The following CLIP2 variants were observed in gnomAD, a reference collection of about 807,000 sequenced individuals.
The protein encoded by CLIP2 is CAP-Gly domain containing linker protein 2, also known as CAP-Gly domain-containing linker protein 2.
A neutral mutation model predicts 111.7 loss-of-function variants in CLIP2; 41 were observed. The ratio of observed to expected loss-of-function variants is 0.37; its 90% confidence interval spans 0.29 to 0.48. The LOEUF (loss-of-function observed/expected upper bound fraction) is 0.48, where lower values mean the gene tolerates loss of function less well. Ranked by LOEUF, CLIP2 falls within the 20% of genes least tolerant of loss-of-function variation. The pLI is 0.99. For synonymous variants in CLIP2, 660 were observed against 644.2 expected (o/e 1.02, Z -0.37); for missense variants, 1,160 against 1,422.1 (o/e 0.82, Z 2.96).
At chr7:74,341,749 AC>A (rs1789663229) in intron 3 of CLIP2, among the ~76,000 whole-genome samples, 1 of 151,808 alleles carries the variant, frequency 6.6e-6, no homozygotes, top group South Asian at 2.1e-4. Context: ...ATGCCACCAT[AC>A]CTGGCACCAC....
chr7:74,376,316 C>A lies in CLIP2; in HGVS notation c.1915C>A (p.Pro639Thr). ...EDLKATLNSGPGAQQKEIGEL... is the reference protein window; with the variant it reads ...EDLKATLNSGTGAQQKEIGEL... ...CCTCAAAGCCACCCTGAACTCGGGC[C>A]CAGGCGCCCAGCAGAAGGAGATCGG... Residue 639 changes from proline (P) to threonine (T), a missense_variant, in exon 10 of 17, where the codon CCA (proline) becomes ACA (threonine). Pro to Thr is a conservative substitution (Grantham distance 38, BLOSUM62 -1). This residue lies in a region of CLIP2 where 676 missense variants were observed against 777.8 expected (regional missense o/e 0.87). Coordinates refer to ENST00000223398, the MANE Select transcript of CLIP2 (RefSeq NM_003388.5). This position sits in a 1 kb window ranked among gnomAD's most constrained non-coding sequence, Gnocchi z 7.1. 2 of 1,613,878 alleles carry A rather than the reference C, an allele frequency of 1.2e-6. No homozygotes were observed. The highest frequency in any genetic ancestry group is 1.7e-6 in the Non-Finnish European group (2 of 1,179,990).
Position 74,338,393 on chromosome 7 carries a change from C to G in CLIP2, c.122-55C>G. On this transcript the variant is annotated intron_variant, in intron 2 of 16. Transcript: ENST00000223398. This position sits in a 1 kb window ranked among gnomAD's most constrained non-coding sequence, Gnocchi z 4.3. ...CCTAGACTCTGTGCTCCTGGGGCCA[C>G]CCAGGGGCCAGCCCTAACAGCCACC... The G allele has an allele frequency of 6.4e-7, 1 of 1,573,200 alleles. No homozygotes were observed. The highest frequency in any genetic ancestry group is 1.4e-5 in the African/African-American group (1 of 73,454).
At chr7:74,359,520 A>G (rs1035566290) in intron 6 of CLIP2, among the ~76,000 whole-genome samples, 1 of 150,848 alleles carries the variant, frequency 6.6e-6, no homozygotes, top group African/African-American at 2.4e-5. Context: ...CGCCCAGCTA[A>G]TGTTTTTTGT....
chr7:74,388,201 G>A (rs931537048), intron 12 of CLIP2, among the ~76,000 whole-genome samples: 2 of 152,064 alleles, frequency 1.3e-5, no homozygotes, highest in Non-Finnish European at 1.5e-5. Context: ...GCGTGGTAGC[G>A]TGCACCTGTA....
intron 1 of CLIP2, among the ~76,000 whole-genome samples, chr7:74,301,714 G>T (rs1384836898): frequency 5.4e-5 from 8 of 149,398 alleles, no homozygotes; most frequent in Non-Finnish European, 1.2e-4. Flanking sequence ...TGTTTGTTTT[G>T]TTTTTTTTGT....
chr7:74,402,656 C>T (rs1791653599), intron 16 of CLIP2, among the ~76,000 whole-genome samples: 1 of 152,080 alleles, frequency 6.6e-6, no homozygotes, highest in Admixed American at 6.6e-5. Context: ...TGCGCCACTG[C>T]ACTCCAGCCT....
intron 14 of CLIP2, among the ~76,000 whole-genome samples, chr7:74,397,657 GTTTTTTTTGTTTT>G (rs1405900980): frequency 8.8e-6 from 1 of 113,418 alleles, no homozygotes; most frequent in Non-Finnish European, 1.7e-5. Context: ...GGGTGGCTGA[GTTTTTTTTGTTTT>G]TTTTTTTTTT....
chr7:74,366,875 CAAAAA>C (rs35336151), intron 8 of CLIP2, among the ~76,000 whole-genome samples: 4 of 66,132 alleles, frequency 6.0e-5, no homozygotes, highest in Admixed American at 1.7e-4. Context: ...GACTCCTTCT[CAAAAA>C]AAAAAAAAAA....
At chr7:74,364,970 G>A in intron 8 of CLIP2, 1 of 426,812 alleles carries the variant, frequency 2.3e-6, no homozygotes, top group East Asian at 7.1e-5. Context: ...GCTGCAGTGA[G>A]CTATGATTGC....
intron 11 of CLIP2, among the ~76,000 whole-genome samples, chr7:74,385,077 G>T (rs1470283704): frequency 7.0e-6 from 1 of 142,476 alleles, no homozygotes; most frequent in African/African-American, 2.6e-5. Flanking sequence ...AAAAGTTCAT[G>T]TCCAGCCTGG....
At chr7:74,322,318 A>G (rs1303072543) in intron 2 of CLIP2, among the ~76,000 whole-genome samples, 1 of 147,886 alleles carries the variant, frequency 6.8e-6, no homozygotes, top group African/African-American at 2.5e-5. Context: ...TTTTTTTAAG[A>G]GACAGGATCT....
intron 1 of CLIP2, among the ~76,000 whole-genome samples, chr7:74,294,661 C>G (rs996762128): frequency 6.6e-6 from 1 of 152,186 alleles, no homozygotes; most frequent in Admixed American, 6.5e-5. Flanking sequence ...CTAAACCTGG[C>G]TGATGCTGCC....
At position 74,313,688 on chromosome 7, in the gene CLIP2, C is replaced by T. The variant is rs1406807085; in HGVS notation, c.-67-3792C>T. ...CCTGGCAGGCTCTCCCATGCGGTAACCAGGATGGCCCCTGCAGCTTCTGGC... is the reference window on the plus strand; with the variant it reads ...CCTGGCAGGCTCTCCCATGCGGTAATCAGGATGGCCCCTGCAGCTTCTGGC... On this transcript the variant is annotated intron_variant, in intron 1 of 16. Transcript: ENST00000223398. Among the ~76,000 whole-genome samples, 5 of 106,766 alleles carry T rather than the reference C, an allele frequency of 4.7e-5. No individual in the cohort carries two copies. The Admixed American group carries it at 5.0e-4, about 11-fold the overall frequency. 70.0% of individuals were successfully genotyped at this position (106,766 alleles called of 152,430 possible). A position where few individuals can be genotyped will look rare whatever the true frequency, so the allele number is the denominator to read the frequency against.
At chr7:74,347,451 G>A (rs1789829284) in intron 3 of CLIP2, among the ~76,000 whole-genome samples, 1 of 152,114 alleles carries the variant, frequency 6.6e-6, no homozygotes, top group Non-Finnish European at 1.5e-5. Context: ...TGTATTTTTA[G>A]TAGAGATGGG....
intron 10 of CLIP2, among the ~76,000 whole-genome samples, chr7:74,377,869 A>G (rs1455253760): frequency 6.7e-6 from 1 of 149,918 alleles, no homozygotes; most frequent in East Asian, 1.9e-4. Context: ...CTTGTTGCCC[A>G]GGCTGGAGTG....
chr7:74,316,115 A>C (rs1448299588), intron 1 of CLIP2, among the ~76,000 whole-genome samples: 1 of 143,298 alleles, frequency 7.0e-6, no homozygotes. Context: ...TCCGACTTAC[A>C]AGTGAGAACA....
intron 11 of CLIP2, among the ~76,000 whole-genome samples, chr7:74,383,729 C>G (rs1791006808): frequency 1.3e-5 from 2 of 152,116 alleles, no homozygotes; most frequent in African/African-American, 2.4e-5. Context: ...AATTCCAGCA[C>G]TTTGGGAGGC....
chr7:74,361,531 T>G (rs1554309799), intron 7 of CLIP2, among the ~76,000 whole-genome samples: 1 of 151,742 alleles, frequency 6.6e-6, no homozygotes, highest in Non-Finnish European at 1.5e-5. Context: ...TTATTTTTCT[T>G]TTTTGAGACA....
In CLIP2 at chr7:74,380,812, G is replaced by C. The variant is rs1790920854; in HGVS notation, c.2428G>C (p.Glu810Gln). The change falls in exon 11 of 17, where the codon GAG (glutamate) becomes CAG (glutamine). Residue 810 changes from glutamate to glutamine, a missense_variant. Transcript: ENST00000223398. ...ACAGGGGCTCTTTTTGCAGATGATT[G>C]AGTCGAATGACATTTCAGAGGAGAC... ...LCSSQHTHMI[E>Q]SNDISEETIR... 1 of 1,606,708 alleles carries C rather than the reference G, an allele frequency of 6.2e-7. No homozygotes were observed. Among genetic ancestry groups the C allele is most frequent in the East Asian group, 2.2e-5 (1 of 44,646 alleles).
Sources: allele counts gnomAD v4.1 joint callset (sites outside exome capture counted in the v4.1 genomes callset), GRCh38; gene constraint gnomAD v4.1.1; regional missense constraint gnomAD v4.1.1; non-coding constraint Gnocchi (gnomAD v3.1); transcripts MANE v1.5; gene names NCBI Gene and HGNC (gene_info 2026-07-23, HGNC 2026-07-21).